The following UBE3B variants were observed in gnomAD, a reference collection of about 807,000 sequenced individuals.
The protein encoded by UBE3B is ubiquitin-protein ligase E3B.
A neutral mutation model predicts 132.3 loss-of-function variants in UBE3B; 80 were observed. The observed-to-expected ratio is 0.60, with a 90% CI of 0.50 to 0.73. UBE3B has a LOEUF of 0.73. Ranked by LOEUF, UBE3B falls within the 30% of genes least tolerant of loss-of-function variation. The pLI, the probability that UBE3B is intolerant of heterozygous loss-of-function variation, is 0.00. For missense variants in UBE3B, 1,196 were observed against 1,362.5 expected (o/e 0.88, Z 1.92); for synonymous variants, 487 against 520.4 (o/e 0.94, Z 0.87).
intron 9 of UBE3B, among the ~76,000 whole-genome samples, chr12:109,494,376 C>G (rs1477671407): frequency 6.6e-6 from 1 of 152,202 alleles, no homozygotes. Context: ...GTTCCTCACA[C>G]TGCCGTGGCA....
At chr12:109,491,951 A>G (rs1370854642) in intron 9 of UBE3B, 1 of 152,208 alleles carries the variant, frequency 6.6e-6, no homozygotes, top group African/African-American at 2.4e-5. Context: ...TTGATATCCC[A>G]TGAAATCATT....
intron 19 of UBE3B, among the ~76,000 whole-genome samples, chr12:109,518,214 G>A (rs1207501761): frequency 6.6e-6 from 1 of 152,154 alleles, no homozygotes; most frequent in African/African-American, 2.4e-5. Flanking sequence ...CCCCACGAGT[G>A]AGTTGATAAA....
At chr12:109,503,769 T>C (rs988700921) in intron 14 of UBE3B, among the ~76,000 whole-genome samples, 8 of 152,206 alleles carry the variant, frequency 5.3e-5, no homozygotes, top group African/African-American at 1.9e-4. Flanking sequence ...TCACAGGCTT[T>C]TAGGTTGCAG....
At chr12:109,506,747 G>T (rs1048462337) in intron 14 of UBE3B, among the ~76,000 whole-genome samples, 1 of 152,216 alleles carries the variant, frequency 6.6e-6, no homozygotes, top group East Asian at 1.9e-4. Context: ...TTTGGCCTGA[G>T]GATGCCTCCA....
intron 18 of UBE3B, among the ~76,000 whole-genome samples, chr12:109,514,613 G>A (rs774138409): frequency 2.0e-5 from 3 of 152,138 alleles, no homozygotes; most frequent in Non-Finnish European, 1.5e-5. Context: ...AAGATTTGGG[G>A]TCATAGGAAG....
At chr12:109,520,990 C>T in intron 19 of UBE3B, 158 bp from the exon 20 acceptor site, 1 of 756,764 alleles carries the variant, frequency 1.3e-6, no homozygotes, top group Admixed American at 2.9e-5. Flanking sequence ...AGCACTCATT[C>T]AAAAGCAGGT....
In UBE3B at chr12:109,522,162, T is replaced by C. The variant is rs762954618; in HGVS notation, c.2364+611T>C. Among the ~76,000 whole-genome samples, 2 of 152,184 alleles carry C rather than the reference T, an allele frequency of 1.3e-5. No individual in the cohort carries two copies. Among genetic ancestry groups the C allele is most frequent in the African/African-American group, 2.4e-5 (1 of 41,436 alleles). ...GATAAGAAAAGCCACATTCCTGGGT[T>C]GCCGTTAATGGTAAGTGAGGAGGGC... On this transcript the variant is annotated intron_variant, in intron 21 of 27. Coordinates refer to ENST00000342494, the MANE Select transcript of UBE3B (RefSeq NM_130466.4). The surrounding 1 kb of genome is among the most constrained non-coding windows in gnomAD (Gnocchi z 4.2).
At chr12:109,495,828 T>C (rs1878128746) in intron 9 of UBE3B, among the ~76,000 whole-genome samples, 1 of 152,248 alleles carries the variant, frequency 6.6e-6, no homozygotes, top group Admixed American at 6.5e-5. Flanking sequence ...TAAGCAGTTT[T>C]CCACCCTGGG....
chr12:109,525,981 A>G (rs1003008724), intron 23 of UBE3B, among the ~76,000 whole-genome samples: 20 of 151,980 alleles, frequency 1.3e-4, no homozygotes, highest in Admixed American at 1.2e-3. Context: ...GCCTTTTTTC[A>G]CCTTTTTAGT....
At chr12:109,513,493 C>T (rs2136006647) in intron 18 of UBE3B, among the ~76,000 whole-genome samples, 1 of 152,240 alleles carries the variant, frequency 6.6e-6, no homozygotes. Context: ...TTGTAAAATA[C>T]AGCAACTGAG....
chr12:109,510,450 G>C lies in UBE3B; in HGVS notation c.1848G>C (p.Trp616Cys). ...CRRRFTPEDHWLRKDLKPSVL... is the reference protein window; with the variant it reads ...CRRRFTPEDHCLRKDLKPSVL... ...GGCGCTTCACCCCCGAGGACCACTG[G>C]CTGCGAAAGTGAGCTCCAGGGGTGA... The change falls in exon 17 of 28, where the codon TGG (tryptophan) becomes TGC (cysteine). Residue 616 changes from tryptophan (W) to cysteine (C), a missense_variant. Trp to Cys is a radical substitution (Grantham distance 215, BLOSUM62 -2). Coordinates refer to ENST00000342494, the MANE Select transcript of UBE3B (RefSeq NM_130466.4). 3.7e-6 allele frequency: 6 copies of C among 1,610,758 alleles called. No homozygotes were observed. Among genetic ancestry groups the C allele is most frequent in the Non-Finnish European group, 5.1e-6 (6 of 1,178,804 alleles).
intron 9 of UBE3B, among the ~76,000 whole-genome samples, chr12:109,495,212 T>C (rs1232805483): frequency 1.3e-4 from 20 of 152,226 alleles, no homozygotes; most frequent in Non-Finnish European, 4.4e-5. Flanking sequence ...CCAAAAATGG[T>C]ACTCTTGAAA....
intron 25 of UBE3B, 54 bp downstream of exon 25, chr12:109,530,126 C>A (rs557323111): frequency 6.2e-7 from 1 of 1,602,194 alleles, no homozygotes. Flanking sequence ...AGAAAGCCAG[C>A]TGCTCCCTCG....
Position 109,534,053 on chromosome 12 carries a change from G to C in UBE3B, c.3015+495G>C. On this transcript the variant is annotated intron_variant, in intron 27 of 27. Transcript: ENST00000342494. The surrounding 1 kb of genome is among the most constrained non-coding windows in gnomAD (Gnocchi z 5.2). ...GTGTCTCAAGCCTGGCCCACTGTGG[G>C]TGCTCAAATGAGAGTCCTACTCCCC... 7.7e-7 allele frequency: 1 copy of C among 1,294,686 alleles called. No homozygotes were observed. The highest frequency in any genetic ancestry group is 2.3e-5 in the Admixed American group (1 of 43,682). 80.2% of individuals were successfully genotyped at this position (1,294,686 alleles called of 1,614,324 possible).
chr12:109,499,458 G>T (rs1878671939), intron 11 of UBE3B, among the ~76,000 whole-genome samples, 175 bp from the exon 12 acceptor site: 1 of 152,192 alleles, frequency 6.6e-6, no homozygotes, highest in Non-Finnish European at 1.5e-5. Context: ...AGTCAGCTTG[G>T]CCCGTTTCTT....
rs1212932946 is a variant in UBE3B at position 109,511,442 on chromosome 12, A to G, written c.1956+139A>G. On this transcript the variant is annotated intron_variant, in intron 18 of 27. Transcript: ENST00000342494. ...GCACAAGGAAACGGTGGTTGCTATTACTTTGGTGAGGTTACACCCAGTGCT... is the reference window on the plus strand; with the variant it reads ...GCACAAGGAAACGGTGGTTGCTATTGCTTTGGTGAGGTTACACCCAGTGCT... The G allele has an allele frequency of 2.6e-5, 20 of 768,936 alleles. 1 individual carries two copies. The highest frequency in any genetic ancestry group is 3.8e-5 in the Non-Finnish European group (18 of 473,460). 47.6% of individuals were successfully genotyped at this position (768,936 alleles called of 1,614,324 possible). A position where few individuals can be genotyped will look rare whatever the true frequency, so the allele number is the denominator to read the frequency against.
intron 18 of UBE3B, among the ~76,000 whole-genome samples, chr12:109,513,917 T>C (rs544095767): frequency 3.9e-5 from 6 of 152,280 alleles, no homozygotes; most frequent in African/African-American, 1.4e-4. Context: ...CTTAGTGGCA[T>C]GTGTGCTGCC....
chr12:109,507,012 GCT>G (rs1879774331), intron 14 of UBE3B, among the ~76,000 whole-genome samples: 1 of 152,242 alleles, frequency 6.6e-6, no homozygotes, highest in Non-Finnish European at 1.5e-5. Flanking sequence ...GTGGACTGGA[GCT>G]GTCTGAACCT....
chr12:109,510,503 C>G (rs1415271659), intron 17 of UBE3B, 45 bp downstream of exon 17: 5 of 1,494,218 alleles, frequency 3.3e-6, no homozygotes, highest in Non-Finnish European at 3.7e-6. Context: ...CCAGCCTGCT[C>G]CGGCACGCTG....
Sources: gnomAD v4.1 joint callset for allele counts (sites outside exome capture counted in the v4.1 genomes callset) on GRCh38, gnomAD v4.1.1 for gene constraint, Gnocchi (gnomAD v3.1) non-coding constraint, MANE v1.5 for transcripts, NCBI Gene and HGNC (gene_info 2026-07-23, HGNC 2026-07-21) for gene names.